The following CDH1 variants were observed in gnomAD, a reference collection of about 807,000 sequenced individuals.
CDH1 encodes the protein cadherin-1.
Under a neutral mutation model 84.5 loss-of-function variants are expected in CDH1, and 35 were observed. That is an observed-to-expected ratio of 0.41 (90% CI 0.32 to 0.55). The LOEUF (loss-of-function observed/expected upper bound fraction) is 0.55, where lower values mean the gene tolerates loss of function less well. Ranked by LOEUF, CDH1 falls within the 20% of genes least tolerant of loss-of-function variation. The pLI is 0.19. For missense variants in CDH1, 994 were observed against 1,126.6 expected (o/e 0.88, Z 1.68); for synonymous variants, 417 against 439.0 (o/e 0.95, Z 0.63).
intron 2 of CDH1, among the ~76,000 whole-genome samples, chr16:68,748,843 T>G (rs1962816364): frequency 6.6e-6 from 1 of 152,200 alleles, no homozygotes; most frequent in African/African-American, 2.4e-5. Flanking sequence ...TTTTTTTGTT[T>G]TTGTTTTTGT....
Position 68,812,150 on chromosome 16 carries a change from A to G in CDH1, c.1024A>G (p.Thr342Ala). Residue 342 changes from threonine (T) to alanine (A), a missense_variant, in exon 8 of 16, where the codon ACC becomes GCC. Physicochemically the swap from Thr to Ala is moderately conservative, Grantham distance 58 (BLOSUM62 0). Coordinates refer to ENST00000261769, the MANE Select transcript of CDH1 (RefSeq NM_004360.5). The part of the protein sequence containing the change: ...GLDRESFPTY[T>A]LVVQAADLQG... Reference sequence around the variant, plus strand: ...CTCTCTGCAGAGTTTCCCTACGTATACCCTGGTGGTTCAAGCTGCTGACCT... The same window carrying G: ...CTCTCTGCAGAGTTTCCCTACGTATGCCCTGGTGGTTCAAGCTGCTGACCT... The G allele has an allele frequency of 1.2e-6, 2 of 1,614,132 alleles. No individual in the cohort carries two copies. Among genetic ancestry groups the G allele is most frequent in the Non-Finnish European group, 1.7e-6 (2 of 1,180,024 alleles).
rs142962489 is a variant in CDH1, at chr16:68,747,046, C to A, written c.163+8635C>A. Among the ~76,000 whole-genome samples the A allele has an allele frequency of 1.1e-3, 168 of 152,252 alleles. 1 individual carries two copies. The highest frequency in any genetic ancestry group is 3.8e-3 in the African/African-American group (157 of 41,534). Reference sequence around the variant, plus strand: ...GTGCACCCAGGCCTAAGACTCACCCCCTACACTCAGGGAGATTCCAGAAAA... The same window carrying A: ...GTGCACCCAGGCCTAAGACTCACCCACTACACTCAGGGAGATTCCAGAAAA... On this transcript the variant is annotated intron_variant, in intron 2 of 15. Coordinates refer to ENST00000261769, the MANE Select transcript of CDH1 (RefSeq NM_004360.5).
Position 68,743,281 on chromosome 16 carries a change from CTCTTTCTTTCTTTCTTTCTTTCTT to C in CDH1, c.163+4932_163+4955del, listed in dbSNP as rs751271382. 5.4e-3 allele frequency among the ~76,000 whole-genome samples: 735 copies of C among 135,666 alleles called. 37 individuals carry two copies. Among genetic ancestry groups the C allele is most frequent in the African/African-American group, 0.011 (408 of 36,258 alleles). 89.0% of individuals were successfully genotyped at this position (135,666 alleles called of 152,430 possible). On this transcript the variant is annotated intron_variant, in intron 2 of 15. Coordinates refer to ENST00000261769, the MANE Select transcript of CDH1 (RefSeq NM_004360.5). ...TGTCCCAATCCAATCCTTGCTGGGT[CTCTTTCTTTCTTTCTTTCTTTCTT>C]TCTTTCTTTCTTTCTTTCTTTCTTT...
chr16:68,751,927 AC>A (rs1209036570), intron 2 of CDH1, among the ~76,000 whole-genome samples: 3 of 146,490 alleles, frequency 2.0e-5, no homozygotes, highest in African/African-American at 7.6e-5. Context: ...CTGCCCTCAC[AC>A]CTGGCTAATT....
chr16:68,826,271 A>C (rs762253382), intron 13 of CDH1, among the ~76,000 whole-genome samples: 12 of 152,154 alleles, frequency 7.9e-5, no homozygotes, highest in Non-Finnish European at 8.8e-5. Flanking sequence ...CAGAGTTCAG[A>C]TGTTCAATTT....
At chr16:68,795,958 T>C (rs1225858612) in intron 2 of CDH1, among the ~76,000 whole-genome samples, 2 of 151,582 alleles carry the variant, frequency 1.3e-5, no homozygotes, top group East Asian at 3.9e-4. Context: ...GGTCAGGAGT[T>C]CGAGGTTATC....
In CDH1 at chr16:68,820,540, C is replaced by T. The variant is rs559932342; in HGVS notation, c.1711+1115C>T. Among the ~76,000 whole-genome samples the T allele has an allele frequency of 5.9e-5, 9 of 151,918 alleles. No homozygotes were observed. In the South Asian group the frequency reaches 8.3e-4, roughly 14 times the overall value. On this transcript the variant is annotated intron_variant, in intron 11 of 15. Transcript: ENST00000261769. ...TAATTTTTTGTATTTTTAGTAGAAA[C>T]GGGGTTTCACCATATTGGCCAAGCT... is the stretch of plus-strand genomic sequence containing the variant.
In CDH1 at chr16:68,831,442, T is replaced by A. The variant is rs556897965; in HGVS notation, c.2439+1645T>A. ...CTGAGGACTGTGAGGCACTGCAGTG[T>A]TAGAAGTGATCAAGCCACATTCATT... On this transcript the variant is annotated intron_variant, in intron 15 of 15. Coordinates refer to ENST00000261769, the MANE Select transcript of CDH1 (RefSeq NM_004360.5). Among the ~76,000 whole-genome samples the A allele has an allele frequency of 1.8e-4, 27 of 152,082 alleles. No homozygotes were observed. In the South Asian group the frequency reaches 5.4e-3, roughly 30 times the overall value.
chr16:68,801,292 T>A (rs758156112), intron 2 of CDH1, among the ~76,000 whole-genome samples: 4 of 152,030 alleles, frequency 2.6e-5, no homozygotes, highest in Non-Finnish European at 5.9e-5. Context: ...TTTTTTGTAT[T>A]TTTAGTAGAG....
chr16:68,751,704 T>C (rs1008886490), intron 2 of CDH1, among the ~76,000 whole-genome samples: 2 of 151,556 alleles, frequency 1.3e-5, no homozygotes, highest in African/African-American at 4.9e-5. Flanking sequence ...GGTTTTACCA[T>C]GTTGGCCAGA....
At chr16:68,749,294 A>C (rs1474006595) in intron 2 of CDH1, among the ~76,000 whole-genome samples, 1 of 152,210 alleles carries the variant, frequency 6.6e-6, no homozygotes, top group Non-Finnish European at 1.5e-5. Context: ...TTGGTGAGGA[A>C]TATGTTGAGT....
intron 2 of CDH1, among the ~76,000 whole-genome samples, chr16:68,776,957 G>A (rs991999453): frequency 3.3e-5 from 5 of 152,152 alleles, no homozygotes; most frequent in African/African-American, 1.2e-4. Context: ...TCTGAGTGGT[G>A]GAGCTGAAAC....
intron 2 of CDH1, among the ~76,000 whole-genome samples, chr16:68,745,983 A>AT (rs954294679): frequency 2.0e-5 from 3 of 151,818 alleles, no homozygotes; most frequent in East Asian, 1.9e-4. Flanking sequence ...ACGCCTGGCA[A>AT]TTTTTTTTGT....
chr16:68,830,660 A>G (rs1317347301), intron 15 of CDH1, among the ~76,000 whole-genome samples: 1 of 152,068 alleles, frequency 6.6e-6, no homozygotes, highest in Non-Finnish European at 1.5e-5. Context: ...TAGCACGTAG[A>G]CCCTTCTTCT....
At chr16:68,829,573 A>G in intron 14 of CDH1, 81 bp from the exon 15 acceptor site, 2 of 1,378,174 alleles carry the variant, frequency 1.5e-6, no homozygotes, top group Non-Finnish European at 2.0e-6. Flanking sequence ...TCCAACCATA[A>G]TCTATAAACT....
chr16:68,773,487 C>T (rs975527723), intron 2 of CDH1, among the ~76,000 whole-genome samples: 7 of 151,960 alleles, frequency 4.6e-5, no homozygotes, highest in Non-Finnish European at 5.9e-5. Flanking sequence ...TTAGTACAGA[C>T]GGGGTTTCGC....
intron 2 of CDH1, among the ~76,000 whole-genome samples, chr16:68,793,191 C>T (rs746385956): frequency 6.6e-6 from 1 of 152,140 alleles, no homozygotes; most frequent in Admixed American, 6.5e-5. Context: ...TTGTGGTTGA[C>T]GTTGGCAGTT....
chr16:68,738,284 T>C lies in CDH1; in HGVS notation c.49-13T>C. 6.6e-7 allele frequency: 1 copy of C among 1,521,514 alleles called. No homozygotes were observed. Among genetic ancestry groups the C allele is most frequent in the Non-Finnish European group, 8.9e-7 (1 of 1,119,844 alleles). The allele number at this position is 1,521,514 out of a possible 1,614,324, so 94.3% of individuals were successfully genotyped here. On this transcript the variant is annotated splice_polypyrimidine_tract_variant and intron_variant, in intron 1 of 15. Transcript: ENST00000261769. ...CGAGTCACCCGGTTCCATCTACCTT[T>C]CCCCCACCCCAGGTCTCCTCTTGGC... is the stretch of plus-strand genomic sequence containing the variant.
At chr16:68,738,795 G>A (rs1443002973) in intron 2 of CDH1, among the ~76,000 whole-genome samples, 2 of 152,096 alleles carry the variant, frequency 1.3e-5, no homozygotes, top group Admixed American at 1.3e-4. Context: ...AGAGAGTGAC[G>A]TCCACTTGCT....
Sources: allele counts gnomAD v4.1 joint callset (sites outside exome capture counted in the v4.1 genomes callset), GRCh38; gene constraint gnomAD v4.1.1; transcripts MANE v1.5; gene names NCBI Gene and HGNC (gene_info 2026-07-23, HGNC 2026-07-21).